EPB41L1: variants seen among roughly 807,000 people sequenced by gnomAD.
The protein encoded by EPB41L1 is band 4.1-like protein 1.
In EPB41L1, 29 loss-of-function variants were observed where a neutral mutation model predicts 97.8. The observed-to-expected ratio is 0.30, with a 90% CI of 0.22 to 0.40. The LOEUF (loss-of-function observed/expected upper bound fraction) is 0.40, where lower values mean the gene tolerates loss of function less well. EPB41L1 is among the 10% of genes least tolerant of loss of function. The pLI is 1.00. For synonymous variants in EPB41L1, 383 were observed against 459.2 expected, an observed-to-expected ratio of 0.83 and a Z score of 2.12; for missense variants, 812 against 1,162.3, an observed-to-expected ratio of 0.70 and a Z score of 4.38.
chr20:36,185,071 G>C (rs1480621099), intron 6 of EPB41L1, 46 bp from the exon 7 acceptor site: 2 of 1,584,318 alleles, frequency 1.3e-6, no homozygotes. Context: ...GGGGATCTAG[G>C]GAGGAGTAGG....
chr20:36,145,225 C>T (rs1026482253), intron 2 of EPB41L1, among the ~76,000 whole-genome samples: 1 of 151,852 alleles, frequency 6.6e-6, no homozygotes, highest in African/African-American at 2.4e-5. Context: ...CCCGTCTCTA[C>T]TAAAAATACA....
chr20:36,093,518 G>C lies in EPB41L1; in HGVS notation c.-65+1906G>C, dbSNP rs2057728185. On this transcript the variant is annotated intron_variant, in intron 1 of 19. Transcript: ENST00000202028. This position sits in a 1 kb window ranked among gnomAD's most constrained non-coding sequence, Gnocchi z 5.4. ...AGCTGGGCACCTGGCCTGGGCGGTGGGTGGCGGCGGCGGGGGTGTCCCTTC... is the reference window on the plus strand; with the variant it reads ...AGCTGGGCACCTGGCCTGGGCGGTGCGTGGCGGCGGCGGGGGTGTCCCTTC... 1.3e-5 allele frequency among the ~76,000 whole-genome samples: 2 copies of C among 152,196 alleles called. No homozygotes were observed. The highest frequency in any genetic ancestry group is 2.1e-4 in the South Asian group (1 of 4,830).
intron 3 of EPB41L1, among the ~76,000 whole-genome samples, chr20:36,177,515 A>C (rs2061297291): frequency 6.6e-6 from 1 of 152,092 alleles, no homozygotes; most frequent in Non-Finnish European, 1.5e-5. Flanking sequence ...CCTGAGCCCC[A>C]AGCCCTCCCC....
intron 14 of EPB41L1, among the ~76,000 whole-genome samples, chr20:36,204,583 C>T (rs2062694192): frequency 6.6e-6 from 1 of 150,956 alleles, no homozygotes; most frequent in African/African-American, 2.5e-5. Flanking sequence ...CCCGCAGGTC[C>T]AAGCAATTCT....
chr20:36,140,096 C>T, intron 2 of EPB41L1, among the ~76,000 whole-genome samples: 1 of 151,600 alleles, frequency 6.6e-6, no homozygotes, highest in East Asian at 1.9e-4. Flanking sequence ...GCTCTGTCAC[C>T]CAGGCTGGAG....
At chr20:36,177,821 A>G (rs545788285) in intron 3 of EPB41L1, 131 bp from the exon 4 acceptor site, 2 of 743,250 alleles carry the variant, frequency 2.7e-6, no homozygotes, top group East Asian at 5.4e-5. Context: ...GGGTGGCAGG[A>G]GCGCTGCATT....
At position 36,193,392 on chromosome 20, in the gene EPB41L1, A is replaced by G. The variant is rs558080715; in HGVS notation, c.1301-820A>G. Among the ~76,000 whole-genome samples, 4 of 152,368 alleles carry G rather than the reference A, an allele frequency of 2.6e-5. No individual in the cohort carries two copies. The South Asian group carries it at 8.3e-4, about 32-fold the overall frequency. On this transcript the variant is annotated intron_variant, in intron 11 of 21. Coordinates refer to ENST00000338074, the MANE Select transcript of EPB41L1 (RefSeq NM_012156.2). ...AATGCGTACTTTGCAAAGTGAGTGTATATGAATAGAAAGGATAATTATCCT... is the reference window on the plus strand; with the variant it reads ...AATGCGTACTTTGCAAAGTGAGTGTGTATGAATAGAAAGGATAATTATCCT...
intron 1 of EPB41L1, among the ~76,000 whole-genome samples, chr20:36,102,036 C>CAAAAT (rs145505987): frequency 6.7e-6 from 1 of 148,724 alleles, no homozygotes; most frequent in African/African-American, 2.5e-5. Context: ...CAAAACAAAA[C>CAAAAT]AAAAAAAACA....
chr20:36,141,089 G>A (rs2059621061), intron 2 of EPB41L1, among the ~76,000 whole-genome samples: 1 of 152,144 alleles, frequency 6.6e-6, no homozygotes, highest in East Asian at 1.9e-4. Flanking sequence ...TGTAGAATAT[G>A]GCCCCTTTCA....
chr20:36,185,830 A>G (rs1448071852), intron 7 of EPB41L1, among the ~76,000 whole-genome samples: 1 of 152,184 alleles, frequency 6.6e-6, no homozygotes, highest in African/African-American at 2.4e-5. Context: ...CCCACCCTGT[A>G]GGATTGTTGG....
chr20:36,105,398 G>A (rs1169223077), intron 1 of EPB41L1, among the ~76,000 whole-genome samples: 1 of 152,116 alleles, frequency 6.6e-6, no homozygotes, highest in East Asian at 1.9e-4. Flanking sequence ...GGGTCAAAGG[G>A]GTCAAGGAGG....
intron 15 of EPB41L1, among the ~76,000 whole-genome samples, chr20:36,211,586 G>T (rs1302384261): frequency 6.6e-6 from 1 of 151,914 alleles, no homozygotes; most frequent in Non-Finnish European, 1.5e-5. Context: ...GGGCACGGTG[G>T]CCCACACCTG....
At position 36,195,230 on chromosome 20, in the gene EPB41L1, G is replaced by C; in HGVS notation, c.1450-99G>C. ...GGCCTCCACTTGGTCGAGTGTGCGT[G>C]CTCTGGGCTCCTTGCTGGACCAAGC... On this transcript the variant is annotated intron_variant, in intron 12 of 21. Transcript: ENST00000338074. This position sits in a 1 kb window ranked among gnomAD's most constrained non-coding sequence, Gnocchi z 4.6. The C allele has an allele frequency of 6.8e-7, 1 of 1,463,304 alleles. No homozygotes were observed. The highest frequency in any genetic ancestry group is 9.5e-7 in the Non-Finnish European group (1 of 1,048,882). The allele number at this position is 1,463,304 out of a possible 1,614,324, so 90.6% of individuals were successfully genotyped here.
chr20:36,123,256 G>A (rs2058823535), intron 2 of EPB41L1, among the ~76,000 whole-genome samples: 1 of 152,064 alleles, frequency 6.6e-6, no homozygotes, highest in Admixed American at 6.5e-5. Flanking sequence ...CCGACCTTCA[G>A]ACCAGCCCAG....
rs747896639 is a variant in EPB41L1, at chr20:36,219,804, C to T, written c.2399C>T (p.Ala800Val). The stretch of plus-strand genomic sequence containing the variant: ...CTCACCAGCACCTACGGCGCCACTG[C>T]GGAAACCCTCTCAACCTCCACCACC... Reference protein sequence around the residue: ...DVLTSTYGATAETLSTSTTTH... With the variant: ...DVLTSTYGATVETLSTSTTTH... The change falls in exon 19 of 22, where the codon GCG becomes GTG. Residue 800 changes from alanine (A) to valine (V), a missense_variant. This residue lies in a region of EPB41L1 where 498 missense variants were observed against 622.7 expected (regional missense o/e 0.80). Coordinates refer to ENST00000338074, the MANE Select transcript of EPB41L1 (RefSeq NM_012156.2). 28 of 1,614,088 alleles carry T rather than the reference C, an allele frequency of 1.7e-5. No individual in the cohort carries two copies. In the South Asian group the frequency reaches 2.2e-4, roughly 13 times the overall value.
intron 14 of EPB41L1, among the ~76,000 whole-genome samples, chr20:36,201,784 T>G (rs774866987): frequency 6.6e-6 from 1 of 152,114 alleles, no homozygotes; most frequent in East Asian, 1.9e-4. Context: ...CTGTGCTCCC[T>G]CCTCTGATGG....
intron 1 of EPB41L1, among the ~76,000 whole-genome samples, chr20:36,095,841 G>A (rs779126003): frequency 6.6e-6 from 1 of 152,106 alleles, no homozygotes; most frequent in Non-Finnish European, 1.5e-5. Flanking sequence ...TCAGGAGTTC[G>A]AGAGCAGCCT....
At chr20:36,169,181 C>A (rs114444057) in intron 1 of EPB41L1, among the ~76,000 whole-genome samples, 1 of 149,436 alleles carries the variant, frequency 6.7e-6, no homozygotes, top group Non-Finnish European at 1.5e-5. Flanking sequence ...GAGCTGAGAT[C>A]GCTACACTCT....
At chr20:36,121,108 T>C (rs527527474) in intron 2 of EPB41L1, among the ~76,000 whole-genome samples, 181 of 149,166 alleles carry the variant, frequency 1.2e-3, no homozygotes, top group Non-Finnish European at 1.1e-3. Flanking sequence ...CTCAGAGAGC[T>C]AGATTTCCTT....
Sources: allele counts gnomAD v4.1 joint callset (sites outside exome capture counted in the v4.1 genomes callset), GRCh38; gene constraint gnomAD v4.1.1; regional missense constraint gnomAD v4.1.1; non-coding constraint Gnocchi (gnomAD v3.1); transcripts MANE v1.5; gene names NCBI Gene and HGNC (gene_info 2026-07-23, HGNC 2026-07-21).